Variants in SPAG16 observed in about 807,000 individuals in gnomAD.
The protein encoded by SPAG16 is sperm-associated antigen 16 protein.
In SPAG16, 86 loss-of-function variants were observed where a neutral mutation model predicts 80.4. The observed-to-expected ratio is 1.07, with a 90% CI of 0.90 to 1.28. SPAG16 has a LOEUF of 1.28. Ranked by LOEUF, SPAG16 falls within the 50% of genes most tolerant of loss-of-function variation. The pLI is 0.00. For synonymous variants in SPAG16, 294 were observed against 265.9 expected (o/e 1.11, Z -1.03); for missense variants, 870 against 765.3 (o/e 1.14, Z -1.61).
At chr2:213,319,064 G>T (rs2126141503) in intron 5 of SPAG16, among the ~76,000 whole-genome samples, 1 of 152,018 alleles carries the variant, frequency 6.6e-6, no homozygotes, top group Non-Finnish European at 1.5e-5. Context: ...CATTAACTTG[G>T]GGTGAATCTG....
At chr2:214,209,673 T>A (rs2058237744) in intron 15 of SPAG16, among the ~76,000 whole-genome samples, 1 of 152,134 alleles carries the variant, frequency 6.6e-6, no homozygotes, top group South Asian at 2.1e-4. Flanking sequence ...CCAATTTGAC[T>A]AGTGCTCCCA....
chr2:213,361,601 C>A (rs932884016), intron 7 of SPAG16, among the ~76,000 whole-genome samples: 6 of 150,828 alleles, frequency 4.0e-5, no homozygotes, highest in Non-Finnish European at 7.4e-5. Context: ...ACTAGATAGG[C>A]CTGGAGCACT....
At chr2:214,129,931 A>T (rs2054681062) in intron 14 of SPAG16, among the ~76,000 whole-genome samples, 1 of 152,142 alleles carries the variant, frequency 6.6e-6, no homozygotes, top group Non-Finnish European at 1.5e-5. Flanking sequence ...ACTTACCGGT[A>T]TTAACAAAAA....
chr2:213,930,871 C>T (rs888644929), intron 12 of SPAG16, among the ~76,000 whole-genome samples: 1 of 152,164 alleles, frequency 6.6e-6, no homozygotes, highest in Non-Finnish European at 1.5e-5. Context: ...ATCCATCAAA[C>T]TTTCTCAGTA....
chr2:213,939,645 A>G (rs990979713), intron 12 of SPAG16, among the ~76,000 whole-genome samples: 1 of 152,192 alleles, frequency 6.6e-6, no homozygotes, highest in Non-Finnish European at 1.5e-5. Context: ...AATTAAGATC[A>G]TTTGAAGCGG....
chr2:214,272,892 G>C (rs192395595), intron 15 of SPAG16, among the ~76,000 whole-genome samples: 2,774 of 152,230 alleles, frequency 0.018, 38 homozygotes, highest in Non-Finnish European at 0.03. Context: ...GGTTGAACTA[G>C]TTTACAGTCC....
At chr2:213,636,361 T>C (rs1223687096) in intron 10 of SPAG16, among the ~76,000 whole-genome samples, 2 of 152,194 alleles carry the variant, frequency 1.3e-5, no homozygotes, top group Non-Finnish European at 2.9e-5. Flanking sequence ...AGCCTTGTAG[T>C]ATAGTTTGAA....
intron 11 of SPAG16, among the ~76,000 whole-genome samples, chr2:213,928,086 T>C (rs2078570547): frequency 6.6e-6 from 1 of 152,110 alleles, no homozygotes; most frequent in Non-Finnish European, 1.5e-5. Flanking sequence ...GGATCTTCTC[T>C]TCTCTTCTCT....
chr2:213,973,967 G>T (rs1021785259), intron 12 of SPAG16, among the ~76,000 whole-genome samples: 1 of 152,116 alleles, frequency 6.6e-6, no homozygotes, highest in African/African-American at 2.4e-5. Context: ...ATCTATTACA[G>T]CAGGTAGTTT....
chr2:214,168,726 C>T (rs2056761973), intron 15 of SPAG16, among the ~76,000 whole-genome samples: 1 of 152,030 alleles, frequency 6.6e-6, no homozygotes, highest in African/African-American at 2.4e-5. Context: ...AAAAATGTTG[C>T]AGAGGTCCAC....
intron 9 of SPAG16, among the ~76,000 whole-genome samples, chr2:213,386,647 A>G (rs1488039244): frequency 6.6e-6 from 1 of 152,186 alleles, no homozygotes; most frequent in Middle Eastern, 3.2e-3. Context: ...ATCTTTTATA[A>G]CATTATAAAT....
At position 213,656,965 on chromosome 2, in the gene SPAG16, G is replaced by A. The variant is rs1192235059; in HGVS notation, c.1070+166875G>A. On this transcript the variant is annotated intron_variant, in intron 10 of 15. Coordinates refer to ENST00000331683, the MANE Select transcript of SPAG16 (RefSeq NM_024532.5). ...AATAAGACCTTTTCTATGCCTGTCTGAACGTTTCATTTCTTTAGATCTTGA... is the reference window on the plus strand; with the variant it reads ...AATAAGACCTTTTCTATGCCTGTCTAAACGTTTCATTTCTTTAGATCTTGA... Among the ~76,000 whole-genome samples, 6 of 152,234 alleles carry A rather than the reference G, an allele frequency of 3.9e-5. No individual in the cohort carries two copies. In the South Asian group the frequency reaches 8.3e-4, roughly 21 times the overall value.
At chr2:213,612,719 G>T (rs1180881866) in intron 10 of SPAG16, among the ~76,000 whole-genome samples, 1 of 152,038 alleles carries the variant, frequency 6.6e-6, no homozygotes, top group Non-Finnish European at 1.5e-5. Context: ...CGCTCTTGTT[G>T]CCCAGGCTGG....
intron 13 of SPAG16, among the ~76,000 whole-genome samples, chr2:214,079,739 A>C (rs1290955735): frequency 6.6e-6 from 1 of 152,186 alleles, no homozygotes; most frequent in Non-Finnish European, 1.5e-5. Flanking sequence ...TTATTTTAGA[A>C]GTCAGATTTT....
intron 15 of SPAG16, among the ~76,000 whole-genome samples, chr2:214,295,570 T>G (rs1015983702): frequency 5.3e-5 from 8 of 152,046 alleles, no homozygotes; most frequent in Non-Finnish European, 8.8e-5. Context: ...GTGGGTGGAT[T>G]GCTTTAGCCA....
At chr2:214,002,945 A>G (rs2046860346) in intron 12 of SPAG16, among the ~76,000 whole-genome samples, 1 of 152,182 alleles carries the variant, frequency 6.6e-6, no homozygotes, top group South Asian at 2.1e-4. Flanking sequence ...GTTGACACAT[A>G]AAATTATCGC....
At chr2:213,736,189 G>T (rs1053312024) in intron 10 of SPAG16, among the ~76,000 whole-genome samples, 2 of 152,086 alleles carry the variant, frequency 1.3e-5, no homozygotes, top group Non-Finnish European at 2.9e-5. Context: ...TTCTTTAATA[G>T]AGTGAATAAA....
chr2:214,125,127 T>C (rs1398576249), intron 14 of SPAG16, among the ~76,000 whole-genome samples: 1 of 151,730 alleles, frequency 6.6e-6, no homozygotes, highest in African/African-American at 2.4e-5. Flanking sequence ...TTTCTAACTT[T>C]AATACCTGGT....
At chr2:214,393,102 A>G (rs1701182270) in intron 15 of SPAG16, among the ~76,000 whole-genome samples, 1 of 152,212 alleles carries the variant, frequency 6.6e-6, no homozygotes, top group African/African-American at 2.4e-5. Flanking sequence ...GATTTCTTAA[A>G]CCATGTCATA....
Sources: allele counts gnomAD v4.1 joint callset (sites outside exome capture counted in the v4.1 genomes callset), GRCh38; gene constraint gnomAD v4.1.1; transcripts MANE v1.5; gene names NCBI Gene and HGNC (gene_info 2026-07-23, HGNC 2026-07-21).